Variants in UGT2A1 observed in about 807,000 individuals in gnomAD.
UGT2A1 encodes UDP-glucuronosyltransferase 2A1.
UGT2A1 carries 61 observed loss-of-function variants against 45.4 expected under a neutral mutation model. That is an observed-to-expected ratio of 1.34 (90% CI 1.09 to 1.66). The LOEUF (loss-of-function observed/expected upper bound fraction) is 1.66, where lower values mean the gene tolerates loss of function less well. Among genes scored for constraint, UGT2A1 ranks in the 40% most tolerant of loss-of-function variants. The pLI, the probability that UGT2A1 is intolerant of heterozygous loss-of-function variation, is 0.00. For missense variants in UGT2A1, 649 were observed against 574.3 expected, an observed-to-expected ratio of 1.13 and a Z score of -1.33; for synonymous variants, 229 against 196.2, an observed-to-expected ratio of 1.17 and a Z score of -1.40.
intron 3 of UGT2A1, among the ~76,000 whole-genome samples, chr4:69,608,527 C>T (rs1276748335): frequency 4.6e-5 from 7 of 151,156 alleles, no homozygotes; most frequent in Non-Finnish European, 1.0e-4. Flanking sequence ...AACTAACCTG[C>T]ACGTTGTGTA....
intron 6 of UGT2A1, among the ~76,000 whole-genome samples, chr4:69,590,936 T>A (rs540075515): frequency 6.6e-6 from 1 of 152,220 alleles, no homozygotes; most frequent in East Asian, 1.9e-4. Context: ...TAATGTTTAT[T>A]AATTGCTTTA....
chr4:69,645,454 T>C (rs1340634974), intron 2 of UGT2A1, among the ~76,000 whole-genome samples: 1 of 151,780 alleles, frequency 6.6e-6, no homozygotes, highest in African/African-American at 2.4e-5. Flanking sequence ...GAGACTGAAT[T>C]ACTTTTCCCA....
chr4:69,604,250 G>A lies in UGT2A1; in HGVS notation c.848-4856C>T, dbSNP rs1304625624. On this transcript the variant is annotated intron_variant, in intron 3 of 6. Coordinates refer to ENST00000286604, the MANE Select transcript of UGT2A1 (RefSeq NM_001252275.3). ...GAAACTCTACAAGCCAGAAGACAGT[G>A]GGGACCAATATTCACCATTCTTAAA... is the stretch of plus-strand genomic sequence containing the variant. 1.5e-5 allele frequency among the ~76,000 whole-genome samples: 2 copies of A among 136,778 alleles called. 1 individual carries two copies. The highest frequency in any genetic ancestry group is 3.1e-5 in the Non-Finnish European group (2 of 64,280). 89.7% of individuals were successfully genotyped at this position (136,778 alleles called of 152,430 possible).
At chr4:69,625,145 A>C (rs750827036) in intron 3 of UGT2A1, among the ~76,000 whole-genome samples, 1 of 147,922 alleles carries the variant, frequency 6.8e-6, no homozygotes, top group Non-Finnish European at 1.5e-5. Flanking sequence ...ATTGCTTTCA[A>C]TGAGAAGTCT....
chr4:69,623,515 A>G (rs182053879), intron 3 of UGT2A1, among the ~76,000 whole-genome samples: 3 of 151,778 alleles, frequency 2.0e-5, no homozygotes, highest in African/African-American at 7.2e-5. Flanking sequence ...CATAATATTT[A>G]ACAGAATAGT....
At chr4:69,616,763 C>A (rs990982853) in intron 3 of UGT2A1, among the ~76,000 whole-genome samples, 2 of 151,154 alleles carry the variant, frequency 1.3e-5, no homozygotes, top group African/African-American at 4.9e-5. Context: ...TTAGTTGGAA[C>A]TGTAGCTTCT....
At chr4:69,627,548 A>AAAG (rs1721147175) in intron 3 of UGT2A1, among the ~76,000 whole-genome samples, 85 of 62,642 alleles carry the variant, frequency 1.4e-3, no homozygotes, top group African/African-American at 4.1e-3. Flanking sequence ...GAGAGAGAGA[A>AAAG]AGAGAGAGAG....
At chr4:69,593,102 T>C (rs1263890631) in intron 6 of UGT2A1, among the ~76,000 whole-genome samples, 1 of 152,122 alleles carries the variant, frequency 6.6e-6, no homozygotes, top group Non-Finnish European at 1.5e-5. Flanking sequence ...AAATATATTG[T>C]ATTCAGATAA....
intron 3 of UGT2A1, among the ~76,000 whole-genome samples, chr4:69,632,765 G>A (rs1392362490): frequency 1.3e-5 from 2 of 151,776 alleles, no homozygotes; most frequent in Non-Finnish European, 2.9e-5. Flanking sequence ...AAGGGCTCCT[G>A]TAATCCCAGC....
At chr4:69,650,194 C>T (rs1345841906) in intron 1 of UGT2A1, among the ~76,000 whole-genome samples, 1 of 152,048 alleles carries the variant, frequency 6.6e-6, no homozygotes, top group East Asian at 1.9e-4. Flanking sequence ...TTGAGTAATA[C>T]CTCAGATAGG....
chr4:69,603,877 A>C (rs961167017), intron 3 of UGT2A1, among the ~76,000 whole-genome samples: 1 of 136,378 alleles, frequency 7.3e-6, no homozygotes, highest in Non-Finnish European at 1.6e-5. Context: ...AAAAAGAATA[A>C]AAAGAAACGA....
chr4:69,630,610 C>G (rs1293828363), intron 3 of UGT2A1, among the ~76,000 whole-genome samples: 1 of 152,084 alleles, frequency 6.6e-6, no homozygotes, highest in Non-Finnish European at 1.5e-5. Flanking sequence ...AAATAGGCCT[C>G]TAAGAAAACC....
chr4:69,632,321 T>A (rs1008525384), intron 3 of UGT2A1, among the ~76,000 whole-genome samples: 5 of 152,130 alleles, frequency 3.3e-5, no homozygotes, highest in African/African-American at 1.2e-4. Context: ...GGGTCTGCAT[T>A]AAAGATAAGG....
At chr4:69,627,729 T>A (rs1183982427) in intron 3 of UGT2A1, among the ~76,000 whole-genome samples, 3 of 151,864 alleles carry the variant, frequency 2.0e-5, no homozygotes, top group Non-Finnish European at 2.9e-5. Context: ...CAAGTGTCCC[T>A]GTATCAAATT....
chr4:69,628,386 A>C (rs1252613041), intron 3 of UGT2A1, among the ~76,000 whole-genome samples: 3 of 151,938 alleles, frequency 2.0e-5, no homozygotes, highest in Non-Finnish European at 4.4e-5. Context: ...GAATCCAAAC[A>C]GTATTAAAGC....
chr4:69,634,907 T>G (rs893576725), intron 3 of UGT2A1, among the ~76,000 whole-genome samples: 1 of 152,122 alleles, frequency 6.6e-6, no homozygotes, highest in Admixed American at 6.5e-5. Context: ...CTGGAGTGTC[T>G]CATTAACTGT....
chr4:69,625,183 G>T (rs1720977527), intron 3 of UGT2A1, among the ~76,000 whole-genome samples: 1 of 150,350 alleles, frequency 6.7e-6, no homozygotes, highest in African/African-American at 2.4e-5. Context: ...TTCTTTGCTA[G>T]ATGAAGTATT....
chr4:69,589,494 A>T lies in UGT2A1; in HGVS notation c.1462T>A (p.Ser488Thr). The stretch of plus-strand genomic sequence containing the variant: ...AGCAAGAACCCAATTACATCCAAAG[A>T]GTGGTACTGGAACCAGGTGAGGTCA... ...AHDLTWFQYH[S>T]LDVIGFLLVC... The change falls in exon 7 of 7, where the codon TCT (serine) becomes ACT (threonine). Residue 488 changes from serine to threonine, a missense_variant. By Grantham distance (58) the Ser-to-Thr change is moderately conservative (BLOSUM62 1). Coordinates refer to ENST00000286604, the MANE Select transcript of UGT2A1 (RefSeq NM_001252275.3). 6.2e-7 allele frequency: 1 copy of T among 1,614,084 alleles called. No individual in the cohort carries two copies. Among genetic ancestry groups the T allele is most frequent in the Non-Finnish European group, 8.5e-7 (1 of 1,180,004 alleles).
chr4:69,641,781 C>A (rs758157913), intron 2 of UGT2A1, among the ~76,000 whole-genome samples: 2 of 151,912 alleles, frequency 1.3e-5, no homozygotes, highest in African/African-American at 2.4e-5. Context: ...ATGATGAGAA[C>A]AATGGCACCT....
Sources: gnomAD v4.1 joint callset for allele counts (sites outside exome capture counted in the v4.1 genomes callset) on GRCh38, gnomAD v4.1.1 for gene constraint, MANE v1.5 for transcripts, NCBI Gene and HGNC (gene_info 2026-07-23, HGNC 2026-07-21) for gene names.